The following IL36RN variants were observed in gnomAD, a reference collection of about 807,000 sequenced individuals.
The protein encoded by IL36RN is interleukin 36 receptor antagonist.
Under a neutral mutation model 13.0 loss-of-function variants are expected in IL36RN, and 11 were observed. The ratio of observed to expected loss-of-function variants is 0.85; its 90% CI spans 0.53 to 1.40. IL36RN has a LOEUF of 1.40. Ranked by LOEUF, IL36RN falls within the 40% of genes most tolerant of loss-of-function variation. IL36RN has a pLI of 0.00. For synonymous variants in IL36RN, 94 were observed against 84.1 expected (o/e 1.12, Z -0.64); for missense variants, 195 against 195.3 (o/e 1.00, Z 0.01).
intron 3 of IL36RN, 34 bp from the exon 4 acceptor site, chr2:113,062,090 A>G: frequency 6.2e-7 from 1 of 1,611,110 alleles, no homozygotes; most frequent in South Asian, 1.1e-5. Flanking sequence ...AGGGAAAGGC[A>G]TCCAGGGCCC....
At chr2:113,061,999 G>A in intron 3 of IL36RN, 125 bp from the exon 4 acceptor site, 2 of 1,316,748 alleles carry the variant, frequency 1.5e-6, no homozygotes, top group East Asian at 2.5e-5. Flanking sequence ...CAGCTGCTGA[G>A]AAGCCTCCCT....
In IL36RN at chr2:113,059,220, C is replaced by G. The variant is rs973913843; in HGVS notation, c.-49C>G. On this transcript the variant is annotated 5_prime_UTR_variant, in exon 1 of 5. Transcript: ENST00000393200. ...AACAGGCAGACTCCACAGCTCCCGCCAGGAGAAAGGAACATTCTGAGGTAT... is the reference window on the plus strand; with the variant it reads ...AACAGGCAGACTCCACAGCTCCCGCGAGGAGAAAGGAACATTCTGAGGTAT... 9.6e-6 allele frequency: 6 copies of G among 622,630 alleles called. No homozygotes were observed. Among genetic ancestry groups the G allele is most frequent in the African/African-American group, 9.1e-5 (5 of 55,052 alleles). 38.6% of individuals were successfully genotyped at this position (622,630 alleles called of 1,614,324 possible).
rs138314379 is a variant in IL36RN at position 113,060,004 on chromosome 2, G to T, written c.29+537G>T. On this transcript the variant is annotated intron_variant, in intron 2 of 4. Transcript: ENST00000393200. ...GCACTTCCCATGATGTGTTCTATGG[G>T]ACTCGATTAGAGGAGTCCCACAGAG... 2.3e-3 allele frequency among the ~76,000 whole-genome samples: 353 copies of T among 152,280 alleles called. 1 individual carries two copies. The highest frequency in any genetic ancestry group is 4.0e-3 in the Non-Finnish European group (270 of 68,024).
At position 113,062,919 on chromosome 2, in the gene IL36RN, G is replaced by T; in HGVS notation, c.*242G>T. ...TGGAATCTTGTAAAAACCATGTGGG[G>T]TAAACTGGGAATAACATGAAAAGAT... On this transcript the variant is annotated 3_prime_UTR_variant, in exon 5 of 5. Transcript: ENST00000393200. The T allele has an allele frequency of 8.0e-5, 43 of 540,544 alleles. No individual in the cohort carries two copies. The highest frequency in any genetic ancestry group is 5.2e-4 in the Middle Eastern group (1 of 1,926). 33.5% of individuals were successfully genotyped at this position (540,544 alleles called of 1,614,324 possible).
chr2:113,059,560 G>A (rs1685598751), intron 2 of IL36RN, 93 bp downstream of exon 2: 3 of 1,426,018 alleles, frequency 2.1e-6, no homozygotes, highest in African/African-American at 1.4e-5. Context: ...AGGGAGGAAG[G>A]GAGGGGCTGC....
In IL36RN at chr2:113,062,885, C is replaced by T; in HGVS notation, c.*208C>T. ...CACGGTCCTCCCCCACTGGATGGTG[C>T]TACTGCTGTGGAATCTTGTAAAAAC... On this transcript the variant is annotated 3_prime_UTR_variant, in exon 5 of 5. Transcript: ENST00000393200. The T allele has an allele frequency of 1.6e-6, 1 of 616,016 alleles. No individual in the cohort carries two copies. The highest frequency in any genetic ancestry group is 2.9e-6 in the Non-Finnish European group (1 of 342,866). 38.2% of individuals were successfully genotyped at this position (616,016 alleles called of 1,614,324 possible).
At position 113,063,103 on chromosome 2, in the gene IL36RN, G is replaced by T. The variant is rs1165763738; in HGVS notation, c.*426G>T. 1.3e-5 allele frequency: 4 copies of T among 306,544 alleles called. No individual in the cohort carries two copies. Among genetic ancestry groups the T allele is most frequent in the Non-Finnish European group, 2.5e-5 (4 of 157,792 alleles). The allele number at this position is 306,544 out of a possible 1,614,324, so 19.0% of individuals were successfully genotyped here. A position where few individuals can be genotyped will look rare whatever the true frequency, so the allele number is the denominator to read the frequency against. ...ACCTGTCACTCACCACTATGCAGGA[G>T]AGGGAGGTGGTCATAGAGTCAGGGA... On this transcript the variant is annotated 3_prime_UTR_variant, in exon 5 of 5. Transcript: ENST00000393200.
rs372880215 is a variant in IL36RN at position 113,062,238 on chromosome 2, C to T, written c.230C>T (p.Thr77Ile). 66 of 1,613,936 alleles carry T rather than the reference C, an allele frequency of 4.1e-5. No homozygotes were observed. Among genetic ancestry groups the T allele is most frequent in the Middle Eastern group, 3.3e-4 (2 of 6,084 alleles). The change falls in exon 4 of 5, where the codon ACT becomes ATT. Residue 77 changes from threonine (T) to isoleucine (I), a missense_variant. Transcript: ENST00000393200. ...TCATGTGGGGTGGGGCAGGAGCCGACTCTAACACTAGAGGTGAGACTTGGG... is the reference window on the plus strand; with the variant it reads ...TCATGTGGGGTGGGGCAGGAGCCGATTCTAACACTAGAGGTGAGACTTGGG... Reference protein sequence around the residue: ...CLSCGVGQEPTLTLEPVNIME... With the variant: ...CLSCGVGQEPILTLEPVNIME...
intron 2 of IL36RN, 129 bp downstream of exon 2, chr2:113,059,596 G>T: frequency 1.9e-6 from 2 of 1,036,576 alleles, no homozygotes; most frequent in Admixed American, 3.8e-5. Flanking sequence ...ATTGTGACCA[G>T]CACCTCACTG....
intron 3 of IL36RN, among the ~76,000 whole-genome samples, chr2:113,061,607 T>A (rs1041916238): frequency 1.2e-4 from 19 of 152,062 alleles, no homozygotes; most frequent in Admixed American, 5.9e-4. Context: ...TGTGTAACCA[T>A]GTATGTGTGA....
rs953522860 is a variant in IL36RN at position 113,064,690 on chromosome 2, T to C, written c.*2013T>C. 2 of 152,222 alleles carry C rather than the reference T, an allele frequency of 1.3e-5. No individual in the cohort carries two copies. The highest frequency in any genetic ancestry group is 2.9e-5 in the Non-Finnish European group (2 of 68,038). The allele number at this position is 152,222 out of a possible 1,614,324, so 9.4% of individuals were successfully genotyped here. A position where few individuals can be genotyped will look rare whatever the true frequency, so the allele number is the denominator to read the frequency against. On this transcript the variant is annotated 3_prime_UTR_variant, in exon 5 of 5. Transcript: ENST00000393200. ...ATGTTTGTTGTTTTAAGTTGCTCAG[T>C]TTTGGTCTAACTTGTTATGCAGCAA... is the stretch of plus-strand genomic sequence containing the variant.
In IL36RN at chr2:113,063,801, AAC is replaced by A. The variant is rs1685692037; in HGVS notation, c.*1126_*1127del. The A allele has an allele frequency of 6.6e-6, 1 of 152,224 alleles. No homozygotes were observed. The highest frequency in any genetic ancestry group is 2.4e-5 in the African/African-American group (1 of 41,456). 9.4% of individuals were successfully genotyped at this position (152,224 alleles called of 1,614,324 possible). ...GAATCTCTGGGTAAGGAACTTAAAG[AAC>A]AAAAATCATCTGGTAATTCTTTCCT... On this transcript the variant is annotated 3_prime_UTR_variant, in exon 5 of 5. Coordinates refer to ENST00000393200, the MANE Select transcript of IL36RN (RefSeq NM_012275.3).
rs2105070879 is a variant in IL36RN at position 113,063,472 on chromosome 2, T to C, written c.*795T>C. 1 of 152,368 alleles carries C rather than the reference T, an allele frequency of 6.6e-6. No individual in the cohort carries two copies. The highest frequency in any genetic ancestry group is 2.1e-4 in the South Asian group (1 of 4,822). 9.4% of individuals were successfully genotyped at this position (152,368 alleles called of 1,614,324 possible). ...TTATAGAAAAAAGTCTGGAAGAGTT[T>C]ACTTCAATTGTAGCAATGTCAGGGT... On this transcript the variant is annotated 3_prime_UTR_variant, in exon 5 of 5. Transcript: ENST00000393200.
rs1160721677 is a variant in IL36RN, at chr2:113,059,414, G to A, written c.-25G>A. 6.2e-7 allele frequency: 1 copy of A among 1,613,228 alleles called. No individual in the cohort carries two copies. The highest frequency in any genetic ancestry group is 8.5e-7 in the Non-Finnish European group (1 of 1,179,708). The stretch of plus-strand genomic sequence containing the variant: ...TTCTGTTGTTTATTCCAAAATAGGG[G>A]AGTCTACACCCTGTGGAGCTCAAGA... On this transcript the variant is annotated splice_region_variant and 5_prime_UTR_variant, in exon 2 of 5. Coordinates refer to ENST00000393200, the MANE Select transcript of IL36RN (RefSeq NM_012275.3).
At chr2:113,060,599 A>T (rs1685621980) in intron 2 of IL36RN, among the ~76,000 whole-genome samples, 1 of 152,142 alleles carries the variant, frequency 6.6e-6, no homozygotes, top group Non-Finnish European at 1.5e-5. Context: ...TTCCAGCAGG[A>T]GATGGGTTGG....
chr2:113,060,969 G>T (rs756456473), intron 3 of IL36RN, 32 bp downstream of exon 3: 21 of 1,519,026 alleles, frequency 1.4e-5, no homozygotes, highest in Non-Finnish European at 1.7e-5. Flanking sequence ...ACTTTCCTTG[G>T]TCTCTATACA....
upstream of IL36RN, chr2:113,059,062 T>A (rs28938770): frequency 3.1e-6 from 1 of 323,750 alleles, no homozygotes; most frequent in Non-Finnish European, 6.0e-6. Context: ...CCACGACAGA[T>A]AATGAGCAGC....
Position 113,059,474 on chromosome 2 carries a change from GTA to G in IL36RN, c.29+9_29+10del. 2 of 1,613,866 alleles carry G rather than the reference GTA, an allele frequency of 1.2e-6. No homozygotes were observed. On this transcript the variant is annotated splice_region_variant and intron_variant, in intron 2 of 4. Coordinates refer to ENST00000393200, the MANE Select transcript of IL36RN (RefSeq NM_012275.3). The stretch of plus-strand genomic sequence containing the variant: ...GTGGGGCGCTGTGCTTCCGGTGAGT[GTA>G]TGAGGCCCTGGTTTGGTGGTGTCCT...
At chr2:113,060,444 G>T (rs1472429307) in intron 2 of IL36RN, among the ~76,000 whole-genome samples, 1 of 152,236 alleles carries the variant, frequency 6.6e-6, no homozygotes, top group Non-Finnish European at 1.5e-5. Context: ...GAAGAGGCCT[G>T]GATGTTATCC....
Sources: allele counts gnomAD v4.1 joint callset (sites outside exome capture counted in the v4.1 genomes callset), GRCh38; gene constraint gnomAD v4.1.1; transcripts MANE v1.5; gene names NCBI Gene and HGNC (gene_info 2026-07-23, HGNC 2026-07-21).